Variants in ADAMTSL3 observed in about 807,000 individuals in gnomAD.
ADAMTSL3 encodes the protein ADAMTS like 3.
In ADAMTSL3, 128 loss-of-function variants were observed where a neutral mutation model predicts 201.7. That is an observed-to-expected ratio of 0.63 (90% CI 0.55 to 0.73). ADAMTSL3 has a LOEUF of 0.73. ADAMTSL3 is among the 30% of genes least tolerant of loss of function. The pLI, the probability that ADAMTSL3 is intolerant of heterozygous loss-of-function variation, is 0.00. For missense variants in ADAMTSL3, 1,990 were observed against 2,119.6 expected (o/e 0.94, Z 1.20); for synonymous variants, 738 against 748.4 (o/e 0.99, Z 0.23).
At chr15:83,818,575 C>G (rs1431864090) in intron 5 of ADAMTSL3, among the ~76,000 whole-genome samples, 1 of 152,194 alleles carries the variant, frequency 6.6e-6, no homozygotes, top group Admixed American at 6.5e-5. Flanking sequence ...GATCGGCCCG[C>G]CTCAGCCACC....
chr15:83,908,969 C>A (rs1466427172), intron 15 of ADAMTSL3, among the ~76,000 whole-genome samples: 1 of 152,162 alleles, frequency 6.6e-6, no homozygotes, highest in Non-Finnish European at 1.5e-5. Context: ...GAACTGAGAT[C>A]TTCATTTCCT....
At chr15:83,955,523 G>T (rs2066843550) in intron 19 of ADAMTSL3, among the ~76,000 whole-genome samples, 1 of 152,062 alleles carries the variant, frequency 6.6e-6, no homozygotes, top group South Asian at 2.1e-4. Flanking sequence ...GTGCTGAGCT[G>T]TTACCCGAAG....
chr15:84,016,038 C>T (rs1203627122), intron 24 of ADAMTSL3, among the ~76,000 whole-genome samples: 1 of 152,220 alleles, frequency 6.6e-6, no homozygotes, highest in African/African-American at 2.4e-5. Flanking sequence ...TTGCTCCCAG[C>T]ATTCCTCTTA....
Position 83,982,404 on chromosome 15 carries a change from C to T in ADAMTSL3, c.2776C>T (p.Pro926Ser), listed in dbSNP as rs1596495084. 1 of 1,614,110 alleles carries T rather than the reference C, an allele frequency of 6.2e-7. No homozygotes were observed. Among genetic ancestry groups the T allele is most frequent in the African/African-American group, 1.3e-5 (1 of 75,008 alleles). The change falls in exon 21 of 30, where the codon CCC (proline) becomes TCC (serine). Residue 926 changes from proline (P) to serine (S), a missense_variant. By Grantham distance (74) the Pro-to-Ser change is moderately conservative. Coordinates refer to ENST00000286744, the MANE Select transcript of ADAMTSL3 (RefSeq NM_207517.3). ...CATTGGTAGCAGAGCCTATTTGCTG[C>T]CCAACACATCCGTGATTATTAAGTG... ...LTIGSRAYLL[P>S]NTSVIIKCPV...
At chr15:83,985,233 A>G (rs1163112531) in intron 21 of ADAMTSL3, among the ~76,000 whole-genome samples, 1 of 144,226 alleles carries the variant, frequency 6.9e-6, no homozygotes, top group East Asian at 2.0e-4. Flanking sequence ...TGTATCTCAT[A>G]AAAAAAAAAG....
At chr15:83,879,597 TCAA>T (rs2065235948) in intron 9 of ADAMTSL3, among the ~76,000 whole-genome samples, 1 of 152,224 alleles carries the variant, frequency 6.6e-6, no homozygotes, top group Non-Finnish European at 1.5e-5. Flanking sequence ...TCTACTGTGG[TCAA>T]AGAACATACT....
At chr15:84,030,268 G>T (rs2068379675) in intron 27 of ADAMTSL3, among the ~76,000 whole-genome samples, 1 of 152,182 alleles carries the variant, frequency 6.6e-6, no homozygotes, top group South Asian at 2.1e-4. Flanking sequence ...ACCAGCCCAT[G>T]AAAGCAGCCA....
intron 15 of ADAMTSL3, among the ~76,000 whole-genome samples, chr15:83,907,248 G>A (rs2065855817): frequency 1.3e-5 from 2 of 151,978 alleles, no homozygotes; most frequent in African/African-American, 4.8e-5. Flanking sequence ...AACTTGATTT[G>A]TTTTCTATAA....
chr15:83,675,581 G>GTT (rs2061392160), intron 2 of ADAMTSL3, among the ~76,000 whole-genome samples: 1 of 139,618 alleles, frequency 7.2e-6, no homozygotes, highest in African/African-American at 2.7e-5. Context: ...TTCACGTGCT[G>GTT]TTTTCTTTTT....
intron 17 of ADAMTSL3, among the ~76,000 whole-genome samples, chr15:83,937,529 G>A (rs1299284303): frequency 6.6e-6 from 1 of 150,716 alleles, no homozygotes; most frequent in Non-Finnish European, 1.5e-5. Flanking sequence ...GTTGGAGAAG[G>A]GAGAGGATTG....
intron 8 of ADAMTSL3, among the ~76,000 whole-genome samples, chr15:83,868,082 G>T (rs1306000868): frequency 6.6e-6 from 1 of 152,034 alleles, no homozygotes; most frequent in African/African-American, 2.4e-5. Context: ...AAGTTGGGCC[G>T]TGGGCAGCAG....
chr15:83,819,573 A>C (rs1354379010), intron 5 of ADAMTSL3, among the ~76,000 whole-genome samples: 2 of 151,890 alleles, frequency 1.3e-5, no homozygotes, highest in Non-Finnish European at 2.9e-5. Flanking sequence ...TGGGTGGGTG[A>C]ATGATCAGAA....
rs2063833526 is a variant in ADAMTSL3 at position 83,819,895 on chromosome 15, T to C, written c.448T>C (p.Trp150Arg). Residue 150 changes from tryptophan to arginine, a missense_variant, in exon 6 of 30, where the codon TGG becomes CGG. By Grantham distance (101) the Trp-to-Arg change is moderately radical. Coordinates refer to ENST00000286744, the MANE Select transcript of ADAMTSL3 (RefSeq NM_207517.3). ...DVQYQGHYYEWLPRYNDPAAP... is the reference protein window; with the variant it reads ...DVQYQGHYYERLPRYNDPAAP... ...CCAGTATCAGGGGCATTACTATGAA[T>C]GGCTTCCACGATATAATGATCCTGC... The C allele has an allele frequency of 1.2e-6, 2 of 1,614,102 alleles. No individual in the cohort carries two copies. Among genetic ancestry groups the C allele is most frequent in the East Asian group, 2.2e-5 (1 of 44,872 alleles).
intron 10 of ADAMTSL3, among the ~76,000 whole-genome samples, chr15:83,885,836 T>G (rs1426036942): frequency 2.0e-5 from 3 of 152,094 alleles, no homozygotes; most frequent in African/African-American, 7.2e-5. Context: ...GCGATTCTCA[T>G]GCCTCAGCCT....
At chr15:83,967,026 G>GT (rs1399701498) in intron 19 of ADAMTSL3, among the ~76,000 whole-genome samples, 1 of 151,896 alleles carries the variant, frequency 6.6e-6, no homozygotes, top group Non-Finnish European at 1.5e-5. Flanking sequence ...TTGATGAAAT[G>GT]TATCTCAAAA....
Position 83,942,807 on chromosome 15 carries a change from T to G in ADAMTSL3, c.2310+19T>G, listed in dbSNP as rs760713146. 16 of 1,610,610 alleles carry G rather than the reference T, an allele frequency of 9.9e-6. No homozygotes were observed. The highest frequency in any genetic ancestry group is 1.3e-5 in the Non-Finnish European group (15 of 1,178,176). On this transcript the variant is annotated intron_variant, in intron 18 of 29. Transcript: ENST00000286744. ...GCAGCAGGTAGGGCAGACTGGCCAC[T>G]CCAGGGCCCTCTGTGATTATGACTG...
intron 6 of ADAMTSL3, among the ~76,000 whole-genome samples, chr15:83,823,910 C>CAA (rs2063941772): frequency 1.6e-5 from 1 of 61,468 alleles, no homozygotes; most frequent in African/African-American, 4.9e-5. Context: ...TCTTCTTCTT[C>CAA]TTCTTCTTCT....
intron 20 of ADAMTSL3, among the ~76,000 whole-genome samples, chr15:83,978,283 C>A (rs2067321722): frequency 6.6e-6 from 1 of 152,192 alleles, no homozygotes; most frequent in South Asian, 2.1e-4. Context: ...CCAGAACTGG[C>A]CTTGACTGGG....
chr15:83,825,179 C>T (rs1478107330), intron 6 of ADAMTSL3, among the ~76,000 whole-genome samples: 2 of 152,070 alleles, frequency 1.3e-5, no homozygotes, highest in Non-Finnish European at 2.9e-5. Context: ...CTATTGTTCC[C>T]CATTATTGCC....
Sources: allele counts gnomAD v4.1 joint callset (sites outside exome capture counted in the v4.1 genomes callset), GRCh38; gene constraint gnomAD v4.1.1; transcripts MANE v1.5; gene names NCBI Gene and HGNC (gene_info 2026-07-23, HGNC 2026-07-21).